The following ELMO1 variants were observed in gnomAD, a reference collection of about 807,000 sequenced individuals.
ELMO1 encodes engulfment and cell motility 1.
In ELMO1, 26 loss-of-function variants were observed where a neutral mutation model predicts 98.9. The observed-to-expected ratio is 0.26, with a 90% confidence interval of 0.19 to 0.36. ELMO1 has a LOEUF of 0.36. ELMO1 is among the 10% of genes least tolerant of loss of function. The pLI is 1.00. For missense variants in ELMO1, 627 were observed against 935.2 expected, an observed-to-expected ratio of 0.67 and a Z score of 4.30; for synonymous variants, 346 against 346.0, an observed-to-expected ratio of 1.00 and a Z score of 0.00.
intron 16 of ELMO1, among the ~76,000 whole-genome samples, chr7:36,962,615 G>GTGAAA (rs1167927371): frequency 6.9e-6 from 1 of 145,912 alleles, no homozygotes; most frequent in African/African-American, 2.5e-5. Flanking sequence ...ACAGAAGGAG[G>GTGAAA]TGAAAGCTCC....
intron 13 of ELMO1, among the ~76,000 whole-genome samples, chr7:37,182,044 A>G (rs1208364193): frequency 6.6e-6 from 1 of 151,920 alleles, no homozygotes; most frequent in Admixed American, 6.6e-5. Flanking sequence ...TTAAAAACAC[A>G]TTTACATCCG....
chr7:36,986,058 C>T (rs920606935), intron 16 of ELMO1: 5 of 999,300 alleles, frequency 5.0e-6, no homozygotes, highest in Admixed American at 6.1e-5. Context: ...TAAGCTTGTT[C>T]ATGAAACAGG....
At chr7:37,097,618 G>A (rs916830037) in intron 14 of ELMO1, among the ~76,000 whole-genome samples, 1 of 146,928 alleles carries the variant, frequency 6.8e-6, no homozygotes, top group Admixed American at 6.8e-5. Context: ...GAAAAAAAAA[G>A]AAAGAAAGAA....
chr7:37,264,220 G>A (rs1033554569), intron 5 of ELMO1, among the ~76,000 whole-genome samples: 2 of 152,132 alleles, frequency 1.3e-5, no homozygotes, highest in South Asian at 2.1e-4. Flanking sequence ...ACAGAAGTGT[G>A]TCTGGCATTT....
At chr7:37,442,766 T>C (rs1805460688) in intron 1 of ELMO1, among the ~76,000 whole-genome samples, 2 of 152,128 alleles carry the variant, frequency 1.3e-5, no homozygotes, top group Non-Finnish European at 2.9e-5. Context: ...GGCACATCCA[T>C]CTGCAGGACA....
At chr7:37,192,968 GAGATATATATATATATATAT>G (rs1346261278) in intron 13 of ELMO1, among the ~76,000 whole-genome samples, 20 of 94,250 alleles carry the variant, frequency 2.1e-4, no homozygotes, top group South Asian at 1.2e-3. Flanking sequence ...ATATATATAG[GAGATATATATATATATATAT>G]ATATATATAT....
At chr7:37,277,419 G>C (rs1345171700) in intron 4 of ELMO1, among the ~76,000 whole-genome samples, 1 of 152,226 alleles carries the variant, frequency 6.6e-6, no homozygotes, top group African/African-American at 2.4e-5. Context: ...AGGCATGAAA[G>C]GACAAGACAT....
At chr7:37,084,279 CAA>C (rs1783640405) in intron 15 of ELMO1, among the ~76,000 whole-genome samples, 1 of 152,074 alleles carries the variant, frequency 6.6e-6, no homozygotes, top group Non-Finnish European at 1.5e-5. Context: ...GGGTAAAATG[CAA>C]AGTTTATTAA....
At chr7:36,942,429 T>C (rs1020629801) in intron 16 of ELMO1, among the ~76,000 whole-genome samples, 22 of 152,202 alleles carry the variant, frequency 1.4e-4, no homozygotes, top group Admixed American at 3.3e-4. Flanking sequence ...ATAAAGTAAT[T>C]ACAAGTGACA....
At chr7:37,344,177 G>A (rs964771716) in intron 1 of ELMO1, among the ~76,000 whole-genome samples, 1 of 151,424 alleles carries the variant, frequency 6.6e-6, no homozygotes, top group Non-Finnish European at 1.5e-5. Context: ...GATTACAGAC[G>A]CACACCACCA....
chr7:37,119,905 C>G (rs1398959813), intron 14 of ELMO1, among the ~76,000 whole-genome samples: 12 of 152,172 alleles, frequency 7.9e-5, no homozygotes, highest in Non-Finnish European at 1.3e-4. Context: ...ATGAGGGACG[C>G]TGAAGCAAGG....
chr7:37,348,860 C>T (rs973228215), intron 1 of ELMO1, among the ~76,000 whole-genome samples: 1 of 152,196 alleles, frequency 6.6e-6, no homozygotes, highest in African/African-American at 2.4e-5. Context: ...TACCTGATCA[C>T]TTTTTGTTGT....
At position 37,292,093 on chromosome 7, in the gene ELMO1, G is replaced by A. The variant is rs1265542360; in HGVS notation, c.193-20211C>T. On this transcript the variant is annotated intron_variant, in intron 4 of 21. Transcript: ENST00000310758. ...TTGCCCAGTACCTGCGATTGCAGGCGCGCACCGCCACGCCTGACTGGTTTT... is the reference window on the plus strand; with the variant it reads ...TTGCCCAGTACCTGCGATTGCAGGCACGCACCGCCACGCCTGACTGGTTTT... Among the ~76,000 whole-genome samples the A allele has an allele frequency of 3.2e-5, 4 of 125,580 alleles. 1 individual carries two copies. Among genetic ancestry groups the A allele is most frequent in the East Asian group, 2.0e-4 (1 of 4,978 alleles). The allele number at this position is 125,580 out of a possible 152,430, so 82.4% of individuals were successfully genotyped here.
intron 16 of ELMO1, among the ~76,000 whole-genome samples, chr7:36,911,340 T>C (rs1784327834): frequency 1.3e-5 from 2 of 152,068 alleles, no homozygotes; most frequent in Non-Finnish European, 1.5e-5. Context: ...AGTAGGTGAA[T>C]GAAATAAGAA....
intron 5 of ELMO1, among the ~76,000 whole-genome samples, chr7:37,261,968 A>G (rs1469877734): frequency 6.6e-6 from 1 of 152,214 alleles, no homozygotes; most frequent in Non-Finnish European, 1.5e-5. Flanking sequence ...CCTGGTTTAC[A>G]GTACCTAAAG....
intron 1 of ELMO1, among the ~76,000 whole-genome samples, chr7:37,430,644 C>G (rs943444091): frequency 6.6e-6 from 1 of 152,260 alleles, no homozygotes; most frequent in Non-Finnish European, 1.5e-5. Context: ...TCCCTTTCAA[C>G]CCGCGATGGC....
At chr7:37,222,097 G>C (rs926508956) in intron 10 of ELMO1, among the ~76,000 whole-genome samples, 10 of 152,146 alleles carry the variant, frequency 6.6e-5, no homozygotes, top group Non-Finnish European at 1.2e-4. Context: ...TCTGACATAC[G>C]AATGCAGTTA....
chr7:36,937,620 T>A (rs1270414492), intron 16 of ELMO1, among the ~76,000 whole-genome samples: 1 of 152,206 alleles, frequency 6.6e-6, no homozygotes, highest in Non-Finnish European at 1.5e-5. Context: ...GAAAATCAAG[T>A]GTAAACCAGA....
intron 14 of ELMO1, among the ~76,000 whole-genome samples, chr7:37,111,854 C>A (rs1305131589): frequency 2.0e-5 from 3 of 152,204 alleles, no homozygotes; most frequent in African/African-American, 4.8e-5. Context: ...TGAAAACTAA[C>A]TAAATGTTGG....
Sources: allele counts gnomAD v4.1 joint callset (sites outside exome capture counted in the v4.1 genomes callset), GRCh38; gene constraint gnomAD v4.1.1; transcripts MANE v1.5; gene names NCBI Gene and HGNC (gene_info 2026-07-23, HGNC 2026-07-21).